The following ANAPC10 variants were observed in gnomAD, a reference collection of about 807,000 sequenced individuals.
ANAPC10 encodes the protein anaphase-promoting complex subunit 10.
In ANAPC10, 12 loss-of-function variants were observed where a neutral mutation model predicts 22.0. The observed-to-expected ratio is 0.55, with a 90% CI of 0.35 to 0.88. ANAPC10 has a LOEUF of 0.88. ANAPC10 is among the 40% of genes least tolerant of loss of function. ANAPC10 has a pLI of 0.01. For missense variants in ANAPC10, 188 were observed against 220.9 expected (o/e 0.85, Z 0.94); for synonymous variants, 65 against 69.5 (o/e 0.94, Z 0.32).
chr4:145,045,298 A>C (rs1447533024), intron 4 of ANAPC10, among the ~76,000 whole-genome samples: 1 of 152,084 alleles, frequency 6.6e-6, no homozygotes, highest in Non-Finnish European at 1.5e-5. Flanking sequence ...GACATTGTTC[A>C]CCTATTCTAT....
At chr4:144,997,749 A>G (rs1731846024) in intron 4 of ANAPC10, among the ~76,000 whole-genome samples, 1 of 152,200 alleles carries the variant, frequency 6.6e-6, no homozygotes, top group South Asian at 2.1e-4. Context: ...TTAAATGTAA[A>G]TGGGCTAAAT....
chr4:145,036,147 T>G (rs1337773646), intron 4 of ANAPC10, among the ~76,000 whole-genome samples: 2 of 152,140 alleles, frequency 1.3e-5, no homozygotes, highest in Non-Finnish European at 2.9e-5. Flanking sequence ...ATAAAAATAC[T>G]TATGCGATCA....
At chr4:144,996,726 G>A (rs1406832529) in intron 4 of ANAPC10, among the ~76,000 whole-genome samples, 7 of 152,166 alleles carry the variant, frequency 4.6e-5, no homozygotes, top group East Asian at 1.9e-4. Flanking sequence ...AAAGCTGGAC[G>A]GAGAATGACT....
chr4:145,033,975 C>T (rs1738031856), intron 4 of ANAPC10, among the ~76,000 whole-genome samples: 1 of 152,148 alleles, frequency 6.6e-6, no homozygotes, highest in African/African-American at 2.4e-5. Flanking sequence ...GTATTGTTAA[C>T]TTCATGTATG....
At chr4:145,071,075 A>T (rs1744419679) in intron 3 of ANAPC10, among the ~76,000 whole-genome samples, 1 of 152,192 alleles carries the variant, frequency 6.6e-6, no homozygotes, top group South Asian at 2.1e-4. Flanking sequence ...GTGGTTGCAC[A>T]ACACTGTAAA....
intron 4 of ANAPC10, among the ~76,000 whole-genome samples, chr4:145,010,965 A>G (rs1303047311): frequency 6.6e-6 from 1 of 152,146 alleles, no homozygotes; most frequent in African/African-American, 2.4e-5. Flanking sequence ...CACGGAAGGC[A>G]CGGCAAGACA....
chr4:145,080,126 A>C (rs1396463370), intron 3 of ANAPC10, among the ~76,000 whole-genome samples: 2 of 150,312 alleles, frequency 1.3e-5, no homozygotes, highest in Non-Finnish European at 3.0e-5. Context: ...AAAAAAAAAA[A>C]AAAAAAAAAA....
At chr4:145,040,129 ATGTGTGTGTGTGTGTG>A (rs35260688) in intron 4 of ANAPC10, among the ~76,000 whole-genome samples, 1 of 148,804 alleles carries the variant, frequency 6.7e-6, no homozygotes, top group Non-Finnish European at 1.5e-5. Context: ...GTGTGTGTGT[ATGTGTGTGTGTGTGTG>A]TGTGTGTGTG....
At chr4:145,097,505 A>C (rs1306693536) in intron 1 of ANAPC10, 2 of 1,287,102 alleles carry the variant, frequency 1.6e-6, no homozygotes, top group Non-Finnish European at 2.0e-6. Flanking sequence ...CGTTTCCTTG[A>C]CACCTCCCAT....
intron 4 of ANAPC10, among the ~76,000 whole-genome samples, chr4:145,039,264 C>T (rs2127123022): frequency 6.6e-6 from 1 of 152,296 alleles, no homozygotes; most frequent in South Asian, 2.1e-4. Flanking sequence ...CACAGCTAAG[C>T]GATTCTTACT....
At chr4:145,005,381 G>C (rs1733188078) in intron 4 of ANAPC10, among the ~76,000 whole-genome samples, 1 of 151,990 alleles carries the variant, frequency 6.6e-6, no homozygotes, top group African/African-American at 2.4e-5. Flanking sequence ...AGTCTAGCTA[G>C]CAGTCTATCT....
At chr4:145,038,576 G>GC (rs1738977938) in intron 4 of ANAPC10, among the ~76,000 whole-genome samples, 1 of 152,056 alleles carries the variant, frequency 6.6e-6, no homozygotes, top group Admixed American at 6.6e-5. Context: ...TGTAATCCCA[G>GC]CATTTTGGGA....
chr4:145,003,305 G>A (rs1351400863), intron 4 of ANAPC10, among the ~76,000 whole-genome samples: 2 of 152,166 alleles, frequency 1.3e-5, no homozygotes, highest in Admixed American at 1.3e-4. Flanking sequence ...CTTTTAGGTT[G>A]ATTCCATGTC....
chr4:145,024,052 A>T (rs1736318775), intron 4 of ANAPC10, among the ~76,000 whole-genome samples: 1 of 152,176 alleles, frequency 6.6e-6, no homozygotes, highest in Non-Finnish European at 1.5e-5. Context: ...CCAGGAGTAG[A>T]TTCAACCTCA....
rs1244734500 is a variant in ANAPC10 at position 145,043,435 on chromosome 4, T to C, written c.327+21137A>G. On this transcript the variant is annotated intron_variant, in intron 4 of 4. Coordinates refer to ENST00000507656, the MANE Select transcript of ANAPC10 (RefSeq NM_001256706.2). ...ACATGATAGAACAATGGGAAAATTT[T>C]CCGAATGGTTGAACACTAACCCTGA... 5.3e-5 allele frequency among the ~76,000 whole-genome samples: 8 copies of C among 152,136 alleles called. No individual in the cohort carries two copies. In the East Asian group the frequency reaches 1.5e-3, roughly 29 times the overall value.
intron 1 of ANAPC10, chr4:145,097,197 G>A (rs1373777877): frequency 6.0e-6 from 2 of 331,914 alleles, no homozygotes; most frequent in Non-Finnish European, 5.9e-6. Flanking sequence ...GCAAGACACT[G>A]TCCCAAAAAG....
intron 4 of ANAPC10, among the ~76,000 whole-genome samples, chr4:145,032,717 T>C (rs1190842816): frequency 6.6e-6 from 1 of 152,180 alleles, no homozygotes; most frequent in East Asian, 1.9e-4. Context: ...CACTGATGAA[T>C]GCCCAATTTG....
intron 4 of ANAPC10, among the ~76,000 whole-genome samples, chr4:145,014,706 G>A (rs1334956693): frequency 6.6e-6 from 1 of 152,136 alleles, no homozygotes; most frequent in East Asian, 1.9e-4. Flanking sequence ...CACCTCCACT[G>A]GAATAGGTGC....
chr4:145,033,601 C>T (rs1194986560), intron 4 of ANAPC10, among the ~76,000 whole-genome samples: 2 of 152,122 alleles, frequency 1.3e-5, no homozygotes, highest in African/African-American at 4.8e-5. Flanking sequence ...TATTACTATG[C>T]CCTGTGATTA....
Sources: allele counts gnomAD v4.1 joint callset (sites outside exome capture counted in the v4.1 genomes callset), GRCh38; gene constraint gnomAD v4.1.1; transcripts MANE v1.5; gene names NCBI Gene and HGNC (gene_info 2026-07-23, HGNC 2026-07-21).